Variants in CFH observed in about 807,000 individuals in gnomAD.
The protein encoded by CFH is H factor 1 (complement).
In CFH, 53 loss-of-function variants were observed where a neutral mutation model predicts 147.3. That is an observed-to-expected ratio of 0.36 (90% CI 0.29 to 0.45). The LOEUF is 0.45. Among genes scored for constraint, CFH ranks in the 20% least tolerant of loss-of-function variants. The pLI is 1.00. For missense variants in CFH, 1,380 were observed against 1,498.0 expected (o/e 0.92, Z 1.30); for synonymous variants, 536 against 489.4 (o/e 1.10, Z -1.26).
intron 19 of CFH, among the ~76,000 whole-genome samples, chr1:196,742,909 G>A (rs395129): frequency 3.9e-5 from 6 of 151,958 alleles, no homozygotes; most frequent in African/African-American, 1.2e-4. Flanking sequence ...TCTCCAATTT[G>A]GATCCTTTGA....
chr1:196,673,408 C>T lies in CFH; in HGVS notation c.244+245C>T, dbSNP rs1667350639. 1.3e-5 allele frequency: 6 copies of T among 478,548 alleles called. No individual in the cohort carries two copies. In the South Asian group the frequency reaches 1.3e-4, roughly 10 times the overall value. The allele number at this position is 478,548 out of a possible 1,614,324, so 29.6% of individuals were successfully genotyped here. ...CTGGAGTGCAGTGGCGCTATTTCGGCTCACTGCAACCTCTGCCTCCCTGGT... is the reference window on the plus strand; with the variant it reads ...CTGGAGTGCAGTGGCGCTATTTCGGTTCACTGCAACCTCTGCCTCCCTGGT... On this transcript the variant is annotated intron_variant, in intron 2 of 21. Transcript: ENST00000367429.
At chr1:196,699,676 G>A (rs1176811155) in intron 9 of CFH, among the ~76,000 whole-genome samples, 3 of 152,122 alleles carry the variant, frequency 2.0e-5, no homozygotes, top group Non-Finnish European at 4.4e-5. Context: ...TGAGGTATGA[G>A]GAATATGTAG....
At chr1:196,688,932 A>G (rs1667926543) in intron 7 of CFH, among the ~76,000 whole-genome samples, 1 of 152,148 alleles carries the variant, frequency 6.6e-6, no homozygotes, top group Non-Finnish European at 1.5e-5. Context: ...TCTAAAACAA[A>G]TAAAAACCTT....
intron 9 of CFH, among the ~76,000 whole-genome samples, chr1:196,696,562 T>TG (rs1423913310): frequency 6.6e-6 from 1 of 152,000 alleles, no homozygotes; most frequent in East Asian, 1.9e-4. Flanking sequence ...TAGAGCTTGA[T>TG]GGGGATGGCA....
Position 196,690,154 on chromosome 1 carries a change from T to C in CFH, c.1251T>C (p.His417=). 1.2e-6 allele frequency: 2 copies of C among 1,613,478 alleles called. No homozygotes were observed. Among genetic ancestry groups the C allele is most frequent in the East Asian group, 2.2e-5 (1 of 44,808 alleles). ...VQGKSIDVAC[H]PGYALPKAQT... ...GTAAATCTATAGACGTTGCCTGCCATCCTGGCTACGCTCTTCCAAAAGCGC... is the reference window on the plus strand; with the variant it reads ...GTAAATCTATAGACGTTGCCTGCCACCCTGGCTACGCTCTTCCAAAAGCGC... Residue 417 remains histidine (H), a synonymous_variant, in exon 9 of 22, where the codon CAT becomes CAC. Transcript: ENST00000367429.
At chr1:196,671,418 C>G (rs188515378) in intron 1 of CFH, among the ~76,000 whole-genome samples, 126 of 151,916 alleles carry the variant, frequency 8.3e-4, no homozygotes, top group Non-Finnish European at 2.6e-4. Context: ...CTCTCATCAA[C>G]AAGATTGTTT....
At chr1:196,692,006 T>A in intron 9 of CFH, among the ~76,000 whole-genome samples, 1 of 152,158 alleles carries the variant, frequency 6.6e-6, no homozygotes, top group East Asian at 1.9e-4. Context: ...AACAGTATAT[T>A]TTTTATTGTA....
intron 9 of CFH, among the ~76,000 whole-genome samples, chr1:196,692,563 CTT>C (rs891516048): frequency 2.5e-5 from 2 of 79,390 alleles, no homozygotes; most frequent in Non-Finnish European, 5.7e-5. Context: ...TTTCTTTCTT[CTT>C]TCTTTCTTTT....
At chr1:196,653,771 A>C (rs487114) in intron 1 of CFH, among the ~76,000 whole-genome samples, 6,348 of 152,144 alleles carry the variant, frequency 0.042, 391 homozygotes, top group African/African-American at 0.13. Context: ...TGTGTGTTTA[A>C]ATGTGGTATC....
In CFH at chr1:196,725,305, C is replaced by T. The variant is rs1228361950; in HGVS notation, c.1873+8C>T. 6 of 1,612,604 alleles carry T rather than the reference C, an allele frequency of 3.7e-6. No individual in the cohort carries two copies. The South Asian group carries it at 6.6e-5, about 18-fold the overall frequency. The stretch of plus-strand genomic sequence containing the variant: ...ACCTCCCAATATGTAAAGGTGAATG[C>T]TTATCTTACAATTGCTGAAATAAGA... On this transcript the variant is annotated splice_region_variant and intron_variant, in intron 12 of 21. Coordinates refer to ENST00000367429, the MANE Select transcript of CFH (RefSeq NM_000186.4).
intron 12 of CFH, among the ~76,000 whole-genome samples, chr1:196,725,738 G>T (rs1304508593): frequency 6.6e-6 from 1 of 152,168 alleles, no homozygotes; most frequent in Non-Finnish European, 1.5e-5. Context: ...AAGCAAGAGA[G>T]AGAGCAGGGC....
rs370519551 is a variant in CFH, at chr1:196,745,358, G to A, written c.3311-459G>A. On this transcript the variant is annotated intron_variant, in intron 20 of 21. Coordinates refer to ENST00000367429, the MANE Select transcript of CFH (RefSeq NM_000186.4). The stretch of plus-strand genomic sequence containing the variant: ...TTTTTGTTTTCAGTTTATTTTCAGA[G>A]TGGGTAATTTATATTGCTGTATGTT... Among the ~76,000 whole-genome samples, 18 of 152,192 alleles carry A rather than the reference G, an allele frequency of 1.2e-4. No individual in the cohort carries two copies. In the East Asian group the frequency reaches 3.3e-3, roughly 28 times the overall value.
intron 20 of CFH, among the ~76,000 whole-genome samples, chr1:196,744,284 T>C (rs1448044402): frequency 6.6e-6 from 1 of 152,082 alleles, no homozygotes; most frequent in East Asian, 1.9e-4. Flanking sequence ...CATCCTTTCA[T>C]GGCCTGTTAA....
chr1:196,665,895 C>T (rs868353976), intron 1 of CFH, among the ~76,000 whole-genome samples: 61 of 152,354 alleles, frequency 4.0e-4, no homozygotes, highest in African/African-American at 1.3e-3. Flanking sequence ...GCGTGAGCCA[C>T]CGCACCCGGC....
intron 1 of CFH, among the ~76,000 whole-genome samples, chr1:196,671,361 C>T (rs994553306): frequency 2.6e-5 from 4 of 151,320 alleles, no homozygotes; most frequent in African/African-American, 7.3e-5. Context: ...TATTCAAAAT[C>T]GTATTTTTAA....
At chr1:196,730,451 T>C (rs1242825424) in intron 15 of CFH, among the ~76,000 whole-genome samples, 1 of 151,926 alleles carries the variant, frequency 6.6e-6, no homozygotes, top group African/African-American at 2.4e-5. Context: ...TGACTTGATA[T>C]GATTTCAGTC....
rs748720192 is a variant in CFH, at chr1:196,728,380, T to C, written c.2271T>C (p.Asn757=). ...IDKLKKCKSS[N]LIILEEHLKN... Reference sequence around the variant, plus strand: ...AACTTAAGAAGTGCAAATCATCAAATTTAATTATACTTGAGGAACATTTAA... The same window carrying C: ...AACTTAAGAAGTGCAAATCATCAAACTTAATTATACTTGAGGAACATTTAA... The change falls in exon 15 of 22, where the codon AAT becomes AAC. Residue 757 remains asparagine (N), a synonymous_variant. Coordinates refer to ENST00000367429, the MANE Select transcript of CFH (RefSeq NM_000186.4). 23 of 1,574,896 alleles carry C rather than the reference T, an allele frequency of 1.5e-5. No individual in the cohort carries two copies. Among genetic ancestry groups the C allele is most frequent in the African/African-American group, 2.7e-5 (2 of 73,368 alleles).
In CFH at chr1:196,741,882, T is replaced by G. The variant is rs1204136478; in HGVS notation, c.2964T>G (p.Asp988Glu). 1.2e-6 allele frequency: 2 copies of G among 1,613,892 alleles called. No homozygotes were observed. Among genetic ancestry groups the G allele is most frequent in the Non-Finnish European group, 1.7e-6 (2 of 1,179,824 alleles). ...ATATTTTTCCTATTTCAGAAACAGA[T>G]TGTCTCAGTTTACCTAGCTTTGAAA... is the stretch of plus-strand genomic sequence containing the variant. The part of the protein sequence containing the change: ...WSHPPSCIKT[D>E]CLSLPSFENA... The change falls in exon 19 of 22, where the codon GAT becomes GAG. Residue 988 changes from aspartate (D) to glutamate (E), a missense_variant. By Grantham distance (45) the Asp-to-Glu change is conservative. Around this residue, in one of 4 missense-constraint regions of CFH, gnomAD observed 830 missense variants for 821.4 expected, o/e 1.01. Transcript: ENST00000367429.
intron 11 of CFH, among the ~76,000 whole-genome samples, chr1:196,718,577 G>A (rs1205785567): frequency 6.6e-6 from 1 of 152,022 alleles, no homozygotes; most frequent in Admixed American, 6.6e-5. Context: ...TTGAGAGGGG[G>A]AGGCTTAATT....
Sources: gnomAD v4.1 joint callset for allele counts (sites outside exome capture counted in the v4.1 genomes callset) on GRCh38, gnomAD v4.1.1 for gene constraint, gnomAD v4.1.1 regional missense constraint, MANE v1.5 for transcripts, NCBI Gene and HGNC (gene_info 2026-07-23, HGNC 2026-07-21) for gene names.